CCDC178: variants seen among roughly 807,000 people sequenced by gnomAD.
The protein encoded by CCDC178 is coiled-coil domain-containing protein 178.
Under a neutral mutation model 117.4 loss-of-function variants are expected in CCDC178, and 126 were observed. The ratio of observed to expected loss-of-function variants is 1.07; its 90% CI spans 0.93 to 1.24. The LOEUF is 1.24. Ranked by LOEUF, CCDC178 falls within the 50% of genes most tolerant of loss-of-function variation. The pLI is 0.00. For missense variants in CCDC178, 1,030 were observed against 986.9 expected, an observed-to-expected ratio of 1.04 and a Z score of -0.59; for synonymous variants, 283 against 313.4, an observed-to-expected ratio of 0.90 and a Z score of 1.02.
intron 11 of CCDC178, among the ~76,000 whole-genome samples, chr18:33,321,716 A>G (rs989725779): frequency 1.3e-5 from 2 of 151,934 alleles, no homozygotes; most frequent in Non-Finnish European, 2.9e-5. Context: ...AAATAAGAAA[A>G]TACCAATAAT....
At chr18:33,290,835 A>C (rs550276138) in intron 12 of CCDC178, among the ~76,000 whole-genome samples, 68 of 152,112 alleles carry the variant, frequency 4.5e-4, no homozygotes, top group Non-Finnish European at 9.7e-4. Context: ...GATAGCACTG[A>C]TTATAAATAT....
intron 14 of CCDC178, among the ~76,000 whole-genome samples, chr18:33,252,883 T>C (rs1284390905): frequency 1.3e-5 from 2 of 151,820 alleles, no homozygotes; most frequent in East Asian, 3.9e-4. Context: ...ATTTAGAATA[T>C]TTTACAGAGC....
intron 20 of CCDC178, among the ~76,000 whole-genome samples, chr18:33,177,189 A>G (rs1463435222): frequency 6.6e-6 from 1 of 151,892 alleles, no homozygotes; most frequent in Non-Finnish European, 1.5e-5. Context: ...GGAACATCAC[A>G]CACCGGGGGA....
chr18:33,373,502 G>A (rs1228179233), intron 5 of CCDC178, among the ~76,000 whole-genome samples: 1 of 152,126 alleles, frequency 6.6e-6, no homozygotes, highest in Non-Finnish European at 1.5e-5. Context: ...ACTGGCAGCT[G>A]CAATATCCTC....
At chr18:33,123,614 T>G (rs1470115793) in intron 20 of CCDC178, among the ~76,000 whole-genome samples, 1 of 152,146 alleles carries the variant, frequency 6.6e-6, no homozygotes, top group Non-Finnish European at 1.5e-5. Context: ...TAATTGAACA[T>G]GGAAAAGACC....
intron 5 of CCDC178, among the ~76,000 whole-genome samples, chr18:33,372,833 T>G (rs1206883159): frequency 6.6e-6 from 1 of 152,164 alleles, no homozygotes; most frequent in African/African-American, 2.4e-5. Flanking sequence ...AATTCAACAT[T>G]TTATCACAAG....
chr18:33,197,149 G>A (rs181725828), intron 20 of CCDC178, among the ~76,000 whole-genome samples: 14 of 152,080 alleles, frequency 9.2e-5, no homozygotes, highest in Admixed American at 2.0e-4. Flanking sequence ...TGCCTCAACC[G>A]CCTGAGTAGC....
intron 10 of CCDC178, among the ~76,000 whole-genome samples, chr18:33,331,733 T>C (rs1262727482): frequency 1.3e-5 from 2 of 152,090 alleles, no homozygotes; most frequent in East Asian, 3.9e-4. Context: ...TTGTCCACAG[T>C]GGAGAAATGA....
At chr18:33,027,835 A>G (rs1598803800) in intron 21 of CCDC178, among the ~76,000 whole-genome samples, 1 of 151,836 alleles carries the variant, frequency 6.6e-6, no homozygotes, top group East Asian at 1.9e-4. Flanking sequence ...TATCACAAAG[A>G]TAACTACGAA....
chr18:33,289,477 G>T (rs1016535833), intron 12 of CCDC178, among the ~76,000 whole-genome samples: 1 of 152,012 alleles, frequency 6.6e-6, no homozygotes, highest in Non-Finnish European at 1.5e-5. Context: ...AGCCAGGCAT[G>T]GTGGCACACA....
intron 20 of CCDC178, among the ~76,000 whole-genome samples, chr18:33,154,332 T>C (rs1213420110): frequency 6.6e-6 from 1 of 152,144 alleles, no homozygotes; most frequent in African/African-American, 2.4e-5. Flanking sequence ...GTCGGTATAA[T>C]GTCCAAAAAT....
At chr18:32,959,238 G>T (rs12962911) in intron 22 of CCDC178, among the ~76,000 whole-genome samples, 142,195 of 152,164 alleles carry the variant, frequency 0.93, 66,897 homozygotes, top group Non-Finnish European at 0.99. Context: ...TCAAGGTTTG[G>T]TCATGTTAGA....
chr18:33,384,698 G>C (rs1399504805), intron 5 of CCDC178, among the ~76,000 whole-genome samples: 1 of 152,136 alleles, frequency 6.6e-6, no homozygotes, highest in East Asian at 1.9e-4. Flanking sequence ...TGCCTTGCAA[G>C]AGCTTCTGAA....
At chr18:33,108,391 A>G (rs1039054594) in intron 20 of CCDC178, among the ~76,000 whole-genome samples, 2 of 151,590 alleles carry the variant, frequency 1.3e-5, no homozygotes, top group African/African-American at 2.4e-5. Context: ...CAGGATTTCA[A>G]CATTTGAGGT....
intron 20 of CCDC178, among the ~76,000 whole-genome samples, chr18:33,135,021 A>G (rs1294635663): frequency 6.6e-6 from 1 of 152,148 alleles, no homozygotes; most frequent in East Asian, 1.9e-4. Context: ...AAAAGGGAGC[A>G]GTATTTCAGA....
At chr18:33,402,505 A>C (rs1490709416) in intron 3 of CCDC178, among the ~76,000 whole-genome samples, 1 of 152,218 alleles carries the variant, frequency 6.6e-6, no homozygotes, top group Non-Finnish European at 1.5e-5. Flanking sequence ...TCATTTTTAG[A>C]AATACCTGGT....
chr18:33,211,425 C>T (rs1462811711), intron 20 of CCDC178, among the ~76,000 whole-genome samples: 2 of 151,688 alleles, frequency 1.3e-5, no homozygotes, highest in African/African-American at 4.8e-5. Flanking sequence ...AATACAATTT[C>T]CCTGTTTCAA....
At chr18:32,983,906 T>C (rs1263439967) in intron 21 of CCDC178, among the ~76,000 whole-genome samples, 1 of 152,056 alleles carries the variant, frequency 6.6e-6, no homozygotes, top group Non-Finnish European at 1.5e-5. Context: ...AATTATAAAC[T>C]ACTCCACAGA....
intron 2 of CCDC178, among the ~76,000 whole-genome samples, chr18:33,419,314 T>C (rs985963256): frequency 1.3e-5 from 2 of 152,116 alleles, no homozygotes; most frequent in Non-Finnish European, 2.9e-5. Flanking sequence ...AAGACTTAAA[T>C]ATAAAACTGA....
Sources: allele counts gnomAD v4.1 joint callset (sites outside exome capture counted in the v4.1 genomes callset), GRCh38; gene constraint gnomAD v4.1.1; transcripts MANE v1.5; gene names NCBI Gene and HGNC (gene_info 2026-07-23, HGNC 2026-07-21).